C1orf146: variants seen among roughly 807,000 people sequenced by gnomAD.
The protein encoded by C1orf146 is protein SPO16 homolog.
In C1orf146, 22 loss-of-function variants were observed where a neutral mutation model predicts 23.0. That is an observed-to-expected ratio of 0.96 (90% CI 0.68 to 1.36). The LOEUF (loss-of-function observed/expected upper bound fraction) is 1.36. Ranked by LOEUF, C1orf146 falls within the 40% of genes most tolerant of loss-of-function variation. The probability of loss-of-function intolerance (pLI) is 0.00; values close to 1 mark genes in which losing one functional copy is unlikely to be tolerated. For synonymous variants in C1orf146, 59 were observed against 65.3 expected, an observed-to-expected ratio of 0.90 and a Z score of 0.47; for missense variants, 199 against 206.8, an observed-to-expected ratio of 0.96 and a Z score of 0.23.
intron 2 of C1orf146, among the ~76,000 whole-genome samples, chr1:92,235,526 C>T (rs1652252621): frequency 6.6e-6 from 1 of 152,120 alleles, no homozygotes; most frequent in South Asian, 2.1e-4. Context: ...AGCTTTACTT[C>T]CAACTATGTG....
chr1:92,225,732 A>G (rs986582785), intron 1 of C1orf146, among the ~76,000 whole-genome samples: 13 of 152,174 alleles, frequency 8.5e-5, no homozygotes, highest in Admixed American at 6.5e-4. Flanking sequence ...ATTGTTATAT[A>G]TTCCTGATAT....
chr1:92,224,125 A>G (rs537184502), intron 1 of C1orf146, among the ~76,000 whole-genome samples: 62 of 151,218 alleles, frequency 4.1e-4, no homozygotes, highest in Middle Eastern at 3.2e-3. Context: ...AACTCGGCTC[A>G]CTGCAAGCTC....
Position 92,241,187 on chromosome 1 carries a change from CTTATTATTATTATTA to C in C1orf146, c.67-998_67-984del, listed in dbSNP as rs146597980. Among the ~76,000 whole-genome samples, 110 of 142,682 alleles carry C rather than the reference CTTATTATTATTATTA, an allele frequency of 7.7e-4. No homozygotes were observed. The South Asian group carries it at 0.01, about 13-fold the overall frequency. The allele number at this position is 142,682 out of a possible 152,430, so 93.6% of individuals were successfully genotyped here. A position where few individuals can be genotyped will look rare whatever the true frequency, so the allele number is the denominator to read the frequency against. On this transcript the variant is annotated intron_variant, in intron 2 of 5. Coordinates refer to ENST00000370375, the MANE Select transcript of C1orf146 (RefSeq NM_001012425.2). ...CATGTCAGAATCCATCTCCAAGTTG[CTTATTATTATTATTA>C]TTATTATTATTATTATTATTATTAT...
At chr1:92,229,266 T>C (rs1652049723) in intron 1 of C1orf146, 1 of 556,262 alleles carries the variant, frequency 1.8e-6, no homozygotes, top group Non-Finnish European at 3.6e-6. Context: ...GGCGTACAGG[T>C]CTTTGAAGAT....
chr1:92,233,464 T>G (rs549731045), intron 2 of C1orf146, among the ~76,000 whole-genome samples: 1 of 152,184 alleles, frequency 6.6e-6, no homozygotes, highest in African/African-American at 2.4e-5. Context: ...GTTCCGTTGA[T>G]CTATATCTCT....
chr1:92,244,133 A>ACG, intron 3 of C1orf146, 84 bp from the exon 4 acceptor site: 2 of 762,268 alleles, frequency 2.6e-6, no homozygotes, highest in East Asian at 2.8e-5. Context: ...TGGTATACTT[A>ACG]GTTATTTTGG....
At chr1:92,230,010 T>C (rs1479052911) in intron 1 of C1orf146, among the ~76,000 whole-genome samples, 1 of 152,194 alleles carries the variant, frequency 6.6e-6, no homozygotes, top group Admixed American at 6.5e-5. Context: ...TTTAGCACGC[T>C]GAACTTAAAT....
rs6604087 is a variant in C1orf146 at position 92,236,552 on chromosome 1, T to C, written c.66+5066T>C. On this transcript the variant is annotated intron_variant, in intron 2 of 5. Coordinates refer to ENST00000370375, the MANE Select transcript of C1orf146 (RefSeq NM_001012425.2). ...TGGCTGCCCTTAACATTTTTTCCTT[T>C]ATTTCAACTTTGGTGAATCTGACAA... Among the ~76,000 whole-genome samples, 1,191 of 152,230 alleles carry C rather than the reference T, an allele frequency of 7.8e-3. 6 individuals are homozygous for C. Among genetic ancestry groups the C allele is most frequent in the African/African-American group, 0.027 (1,141 of 41,524 alleles).
At position 92,244,358 on chromosome 1, in the gene C1orf146, G is replaced by A; in HGVS notation, c.302G>A (p.Trp101Ter). Residue 101 changes from tryptophan to a stop codon, truncating the protein, a stop_gained, in exon 4 of 6, where the codon TGG (tryptophan) becomes TAG (stop). Transcript: ENST00000370375. LOFTEE classifies it high-confidence loss of function. Reference sequence around the variant, plus strand: ...GCTGCCCTCCATGGGCCTGAAGAATGGAAACTGATGTTCAGGATTCAGCAG... The same window carrying A: ...GCTGCCCTCCATGGGCCTGAAGAATAGAAACTGATGTTCAGGATTCAGCAG... ...LSAALHGPEE[W>*]KLMFRIQQRF... 3 of 1,608,454 alleles carry A rather than the reference G, an allele frequency of 1.9e-6. No homozygotes were observed. Among genetic ancestry groups the A allele is most frequent in the Non-Finnish European group, 2.5e-6 (3 of 1,178,536 alleles).
intron 1 of C1orf146, among the ~76,000 whole-genome samples, chr1:92,223,362 G>T (rs1335476360): frequency 6.6e-6 from 1 of 152,182 alleles, no homozygotes; most frequent in African/African-American, 2.4e-5. Flanking sequence ...TAATAGGTAT[G>T]TAGTGGTATC....
At chr1:92,222,520 A>G (rs1478637791) in intron 1 of C1orf146, among the ~76,000 whole-genome samples, 1 of 70,282 alleles carries the variant, frequency 1.4e-5, no homozygotes, top group East Asian at 3.5e-4. Context: ...TTTTTTTCCC[A>G]TTATCCCTTC....
At chr1:92,240,819 T>A (rs1652416423) in intron 2 of C1orf146, 1 of 415,240 alleles carries the variant, frequency 2.4e-6, no homozygotes, top group Non-Finnish European at 5.0e-6. Context: ...CCATTGTGCC[T>A]GGCCAAGTTT....
rs553842263 is a variant in C1orf146 at position 92,245,680 on chromosome 1, CAACTT to C, written c.*9_*13del. On this transcript the variant is annotated 3_prime_UTR_variant, in exon 6 of 6. Coordinates refer to ENST00000370375, the MANE Select transcript of C1orf146 (RefSeq NM_001012425.2). ...ATTCAGTTAACCCAAATTAGAGTAC[CAACTT>C]AATGTTTTTCTCGAAGAATGTGAAA... 6.5e-7 allele frequency: 1 copy of C among 1,531,034 alleles called. No homozygotes were observed. The highest frequency in any genetic ancestry group is 1.3e-5 in the South Asian group (1 of 78,988). The allele number at this position is 1,531,034 out of a possible 1,614,324, so 94.8% of individuals were successfully genotyped here.
intron 2 of C1orf146, among the ~76,000 whole-genome samples, chr1:92,235,979 C>CCTTT (rs991513562): frequency 2.0e-5 from 3 of 152,044 alleles, no homozygotes; most frequent in African/African-American, 7.3e-5. Flanking sequence ...CTTCCTCCAT[C>CCTTT]CTTTTATTTT....
Position 92,237,830 on chromosome 1 carries a change from T to C in C1orf146, c.67-4382T>C, listed in dbSNP as rs1652333994. Among the ~76,000 whole-genome samples the C allele has an allele frequency of 2.0e-5, 3 of 152,368 alleles. No homozygotes were observed. The South Asian group carries it at 6.2e-4, about 32-fold the overall frequency. On this transcript the variant is annotated intron_variant, in intron 2 of 5. Coordinates refer to ENST00000370375, the MANE Select transcript of C1orf146 (RefSeq NM_001012425.2). ...TACATTTCTGTGGTGAAAAGTTTCA[T>C]GTTGTCATTTTTTAAATTTTCTAAT...
intron 2 of C1orf146, among the ~76,000 whole-genome samples, chr1:92,239,746 G>C (rs1652385155): frequency 6.7e-6 from 1 of 149,654 alleles, no homozygotes; most frequent in African/African-American, 2.5e-5. Context: ...GTGAGACCCT[G>C]TCTCAAAAAA....
At chr1:92,238,111 T>C (rs745926628) in intron 2 of C1orf146, among the ~76,000 whole-genome samples, 36 of 152,160 alleles carry the variant, frequency 2.4e-4, no homozygotes, top group Non-Finnish European at 4.6e-4. Context: ...GTATTTTTAG[T>C]AGAGACGGGG....
chr1:92,220,393 CA>C (rs912708073), intron 1 of C1orf146, among the ~76,000 whole-genome samples: 1 of 152,088 alleles, frequency 6.6e-6, no homozygotes, highest in Non-Finnish European at 1.5e-5. Flanking sequence ...AGAAATGCAT[CA>C]TTAGGTGATT....
chr1:92,218,289 T>G lies in C1orf146; in HGVS notation c.-40+241T>G, dbSNP rs190349111. ...CGTCACCCACCTGCGAGTGTAAATTTTATTTGCTTTAGGCTTTGTTGGTCA... is the reference window on the plus strand; with the variant it reads ...CGTCACCCACCTGCGAGTGTAAATTGTATTTGCTTTAGGCTTTGTTGGTCA... On this transcript the variant is annotated intron_variant, in intron 1 of 5. Coordinates refer to ENST00000370375, the MANE Select transcript of C1orf146 (RefSeq NM_001012425.2). Among the ~76,000 whole-genome samples the G allele has an allele frequency of 1.6e-3, 245 of 152,194 alleles. 1 individual carries two copies. The highest frequency in any genetic ancestry group is 5.6e-3 in the African/African-American group (233 of 41,530).
Sources: allele counts gnomAD v4.1 joint callset (sites outside exome capture counted in the v4.1 genomes callset), GRCh38; gene constraint gnomAD v4.1.1; transcripts MANE v1.5; gene names NCBI Gene and HGNC (gene_info 2026-07-23, HGNC 2026-07-21).